PTPRD: variants seen among roughly 807,000 people sequenced by gnomAD.
PTPRD encodes the protein receptor-type tyrosine-protein phosphatase delta.
A neutral mutation model predicts 214.5 loss-of-function variants in PTPRD; 34 were observed. The observed-to-expected ratio is 0.16, with a 90% CI of 0.12 to 0.21. The LOEUF (loss-of-function observed/expected upper bound fraction) is 0.21, where lower values mean the gene tolerates loss of function less well. Among genes scored for constraint, PTPRD ranks in the 10% least tolerant of loss-of-function variants. The pLI is 1.00. For synonymous variants in PTPRD, 1,128 were observed against 845.7 expected, an observed-to-expected ratio of 1.33 and a Z score of -5.79; for missense variants, 2,545 against 2,398.7, an observed-to-expected ratio of 1.06 and a Z score of -1.27.
intron 5 of PTPRD, among the ~76,000 whole-genome samples, chr9:9,894,838 T>C (rs1487507609): frequency 6.6e-6 from 1 of 151,734 alleles, no homozygotes; most frequent in Non-Finnish European, 1.5e-5. Flanking sequence ...AAATGTCTGT[T>C]TTTTTTCTGA....
intron 11 of PTPRD, among the ~76,000 whole-genome samples, chr9:8,949,907 C>A (rs1175802843): frequency 4.6e-5 from 7 of 152,092 alleles, no homozygotes; most frequent in Non-Finnish European, 1.0e-4. Flanking sequence ...TATCTGCTCA[C>A]TTCAGTTACT....
At chr9:10,604,849 C>T (rs1308608845) in intron 2 of PTPRD, among the ~76,000 whole-genome samples, 1 of 151,754 alleles carries the variant, frequency 6.6e-6, no homozygotes, top group Admixed American at 6.6e-5. Flanking sequence ...TTGTGATGCA[C>T]ATAATTTAGC....
intron 10 of PTPRD, among the ~76,000 whole-genome samples, chr9:9,038,038 A>C (rs1210403541): frequency 6.6e-6 from 1 of 152,182 alleles, no homozygotes; most frequent in Non-Finnish European, 1.5e-5. Flanking sequence ...AAAATAAATA[A>C]AATATTGAAA....
At chr9:8,473,889 T>A (rs1252421054) in intron 30 of PTPRD, among the ~76,000 whole-genome samples, 1 of 152,218 alleles carries the variant, frequency 6.6e-6, no homozygotes, top group Non-Finnish European at 1.5e-5. Flanking sequence ...TCTTGCACAT[T>A]GAAAGAAATA....
chr9:9,024,072 C>G (rs1259103677), intron 10 of PTPRD, among the ~76,000 whole-genome samples: 1 of 151,620 alleles, frequency 6.6e-6, no homozygotes, highest in African/African-American at 2.4e-5. Flanking sequence ...AAATGAAAGT[C>G]ATTCAAAATC....
intron 22 of PTPRD, among the ~76,000 whole-genome samples, 156 bp downstream of exon 22, chr9:8,507,145 G>A (rs369466405): frequency 1.3e-5 from 2 of 152,116 alleles, no homozygotes; most frequent in Non-Finnish European, 2.9e-5. Flanking sequence ...TTTTTCTTGG[G>A]GGGGAGGGGG....
chr9:9,221,352 C>T (rs560432292), intron 9 of PTPRD, among the ~76,000 whole-genome samples: 2 of 152,180 alleles, frequency 1.3e-5, no homozygotes, highest in East Asian at 3.9e-4. Flanking sequence ...TTTACTTCCT[C>T]AGGTAAAATA....
chr9:10,065,353 T>C (rs778075939), intron 3 of PTPRD, among the ~76,000 whole-genome samples: 6 of 151,872 alleles, frequency 4.0e-5, no homozygotes, highest in Non-Finnish European at 8.8e-5. Context: ...CCCATAAAAG[T>C]CAAAATTTTT....
intron 3 of PTPRD, among the ~76,000 whole-genome samples, chr9:10,326,231 G>A (rs1597173789): frequency 1.3e-5 from 2 of 151,750 alleles, no homozygotes; most frequent in East Asian, 3.9e-4. Flanking sequence ...TTTAATAAAA[G>A]GCTGTCACAT....
rs1207180796 is a variant in PTPRD at position 8,972,149 on chromosome 9, C to T, written c.-104+46548G>A. 7.2e-5 allele frequency among the ~76,000 whole-genome samples: 11 copies of T among 151,788 alleles called. 1 individual carries two copies. Among genetic ancestry groups the T allele is most frequent in the Admixed American group, 6.6e-4 (10 of 15,190 alleles). ...CAATGACCAACTAACCTCACATATGCATCTATGATATTATACCTTACCATA... is the reference window on the plus strand; with the variant it reads ...CAATGACCAACTAACCTCACATATGTATCTATGATATTATACCTTACCATA... On this transcript the variant is annotated intron_variant, in intron 11 of 45. Transcript: ENST00000381196.
rs10977306 is a variant in PTPRD, at chr9:8,813,619, C to T, written c.-103-79673G>A. On this transcript the variant is annotated intron_variant, in intron 11 of 45. Coordinates refer to ENST00000381196, the MANE Select transcript of PTPRD (RefSeq NM_002839.4). ...AACTCCTAGGCTAAAGCAATCCTCC[C>T]GCCTCGGCCTCCTGCAGTGCTGGGA... Among the ~76,000 whole-genome samples the T allele has an allele frequency of 9.2e-5, 14 of 152,212 alleles. No homozygotes were observed. In the East Asian group the frequency reaches 1.4e-3, roughly 15 times the overall value.
intron 30 of PTPRD, among the ~76,000 whole-genome samples, chr9:8,479,007 A>G (rs1049334229): frequency 3.9e-5 from 6 of 152,164 alleles, no homozygotes; most frequent in African/African-American, 1.4e-4. Context: ...TCATCTAAAT[A>G]AAAGTTAGCA....
At chr9:8,685,815 C>A (rs2097668860) in intron 12 of PTPRD, among the ~76,000 whole-genome samples, 1 of 152,238 alleles carries the variant, frequency 6.6e-6, no homozygotes, top group Admixed American at 6.5e-5. Flanking sequence ...AGTACCTTTA[C>A]ATACAGTGCT....
intron 2 of PTPRD, among the ~76,000 whole-genome samples, chr9:10,469,258 T>G (rs1367111895): frequency 2.0e-5 from 3 of 152,178 alleles, no homozygotes; most frequent in Non-Finnish European, 2.9e-5. Context: ...ACTTTTTCAT[T>G]CCTCTACACA....
intron 3 of PTPRD, among the ~76,000 whole-genome samples, chr9:10,203,024 T>C (rs1171423265): frequency 6.6e-6 from 1 of 151,958 alleles, no homozygotes; most frequent in South Asian, 2.1e-4. Flanking sequence ...CTAAGGTATA[T>C]AGCATAGATA....
At chr9:8,452,100 G>C (rs566137655) in intron 33 of PTPRD, among the ~76,000 whole-genome samples, 13 of 152,304 alleles carry the variant, frequency 8.5e-5, no homozygotes, top group African/African-American at 2.9e-4. Context: ...TTCACAATTT[G>C]AATGAACAGG....
chr9:9,415,442 C>A (rs754585557), intron 8 of PTPRD, among the ~76,000 whole-genome samples: 9 of 151,854 alleles, frequency 5.9e-5, no homozygotes, highest in Non-Finnish European at 1.2e-4. Flanking sequence ...CCACTGCACT[C>A]CAGCCTGGAT....
intron 2 of PTPRD, among the ~76,000 whole-genome samples, chr9:10,375,145 T>C (rs1338497441): frequency 1.3e-5 from 2 of 152,106 alleles, no homozygotes; most frequent in Non-Finnish European, 2.9e-5. Flanking sequence ...TTTTTCTACA[T>C]GGCAACATAG....
intron 11 of PTPRD, among the ~76,000 whole-genome samples, chr9:8,802,532 G>A (rs1321700724): frequency 6.6e-6 from 1 of 152,200 alleles, no homozygotes; most frequent in African/African-American, 2.4e-5. Context: ...CTGTGCCTAA[G>A]GGAAATCTGG....
Sources: gnomAD v4.1 joint callset for allele counts (sites outside exome capture counted in the v4.1 genomes callset) on GRCh38, gnomAD v4.1.1 for gene constraint, MANE v1.5 for transcripts, NCBI Gene and HGNC (gene_info 2026-07-23, HGNC 2026-07-21) for gene names.